The following OSBPL11 variants were observed in gnomAD, a reference collection of about 807,000 sequenced individuals.
OSBPL11 encodes the protein oxysterol-binding protein-related protein 11.
A neutral mutation model predicts 84.4 loss-of-function variants in OSBPL11; 33 were observed. The ratio of observed to expected loss-of-function variants is 0.39; its 90% confidence interval spans 0.30 to 0.52. The LOEUF (loss-of-function observed/expected upper bound fraction) is 0.52. OSBPL11 is among the 20% of genes least tolerant of loss of function. The pLI, the probability that OSBPL11 is intolerant of heterozygous loss-of-function variation, is 0.72. For missense variants in OSBPL11, 736 were observed against 901.1 expected, an observed-to-expected ratio of 0.82 and a Z score of 2.35; for synonymous variants, 276 against 310.2, an observed-to-expected ratio of 0.89 and a Z score of 1.16.
rs534214301 is a variant in OSBPL11 at position 125,580,129 on chromosome 3, G to C, written c.234-89C>G. The C allele has an allele frequency of 3.2e-5, 35 of 1,100,504 alleles. No homozygotes were observed. The South Asian group carries it at 4.7e-4, about 15-fold the overall frequency. The allele number at this position is 1,100,504 out of a possible 1,614,324, so 68.2% of individuals were successfully genotyped here. On this transcript the variant is annotated intron_variant, in intron 2 of 12. Coordinates refer to ENST00000296220, the MANE Select transcript of OSBPL11 (RefSeq NM_022776.5). The stretch of plus-strand genomic sequence containing the variant: ...AAACTTCAATCACTTACACATTTCA[G>C]GGTTTTGCTCTTAAAAATAAAATTT...
chr3:125,534,266 C>G (rs1386477747), intron 11 of OSBPL11, among the ~76,000 whole-genome samples: 1 of 151,864 alleles, frequency 6.6e-6, no homozygotes, highest in Non-Finnish European at 1.5e-5. Context: ...GCCTGTAGTC[C>G]CAGCTACTCG....
intron 1 of OSBPL11, among the ~76,000 whole-genome samples, chr3:125,591,889 G>A (rs1284051282): frequency 6.6e-6 from 1 of 152,006 alleles, no homozygotes; most frequent in Non-Finnish European, 1.5e-5. Context: ...TGTAGTCCCA[G>A]CTATTCCAGA....
At chr3:125,577,210 C>T (rs1237496547) in intron 4 of OSBPL11, among the ~76,000 whole-genome samples, 2 of 151,016 alleles carry the variant, frequency 1.3e-5, no homozygotes, top group Non-Finnish European at 2.9e-5. Context: ...CCAGGAAGAA[C>T]GATTAAAAAA....
chr3:125,581,644 T>A (rs905869294), intron 2 of OSBPL11, among the ~76,000 whole-genome samples: 4 of 135,112 alleles, frequency 3.0e-5, no homozygotes. Context: ...TGCGGTGAGC[T>A]GAGATTGCAC....
At chr3:125,583,112 G>C in intron 1 of OSBPL11, 134 bp from the exon 2 acceptor site, 1 of 585,750 alleles carries the variant, frequency 1.7e-6, no homozygotes, top group Non-Finnish European at 2.9e-6. Flanking sequence ...GAAGTAAAAT[G>C]TATAGGTCAA....
intron 1 of OSBPL11, among the ~76,000 whole-genome samples, chr3:125,586,308 C>T (rs1240053177): frequency 6.6e-6 from 1 of 152,046 alleles, no homozygotes; most frequent in African/African-American, 2.4e-5. Flanking sequence ...CTTCACTGCT[C>T]AAGAAACTGG....
intron 8 of OSBPL11, among the ~76,000 whole-genome samples, chr3:125,558,580 T>C (rs1431642138): frequency 2.0e-5 from 3 of 152,240 alleles, no homozygotes; most frequent in Non-Finnish European, 4.4e-5. Context: ...CCAATTGACA[T>C]CTACCTCCTA....
At position 125,576,186 on chromosome 3, in the gene OSBPL11, T is replaced by C. The variant is rs1237813025; in HGVS notation, c.666+3A>G. ...TTTTAACTTGACTTTAATTCATACT[T>C]ACTTCTCTGACTTCCACAAGATGGT... On this transcript the variant is annotated splice_donor_region_variant and intron_variant, in intron 5 of 12. Transcript: ENST00000296220. 6.2e-7 allele frequency: 1 copy of C among 1,600,578 alleles called. No individual in the cohort carries two copies. The highest frequency in any genetic ancestry group is 8.5e-7 in the Non-Finnish European group (1 of 1,175,838).
intron 10 of OSBPL11, among the ~76,000 whole-genome samples, chr3:125,543,160 C>T (rs1935760142): frequency 1.5e-5 from 2 of 129,118 alleles, no homozygotes; most frequent in African/African-American, 5.7e-5. Flanking sequence ...GAGACAGAGT[C>T]TCACTCTGTT....
chr3:125,591,648 C>T (rs1319177648), intron 1 of OSBPL11, among the ~76,000 whole-genome samples: 2 of 152,180 alleles, frequency 1.3e-5, no homozygotes, highest in East Asian at 1.9e-4. Flanking sequence ...CCAGAAGACC[C>T]AGCTAAGCTG....
At chr3:125,537,818 C>G (rs1935664190) in intron 11 of OSBPL11, among the ~76,000 whole-genome samples, 1 of 152,116 alleles carries the variant, frequency 6.6e-6, no homozygotes, top group African/African-American at 2.4e-5. Flanking sequence ...CAACCACTGT[C>G]AACACATTTT....
intron 11 of OSBPL11, among the ~76,000 whole-genome samples, chr3:125,532,503 A>G (rs1423838538): frequency 1.3e-5 from 2 of 150,786 alleles, no homozygotes; most frequent in African/African-American, 4.9e-5. Flanking sequence ...GGGGAGTCCT[A>G]TGAGTGCTCT....
At chr3:125,590,564 A>AT (rs1321089630) in intron 1 of OSBPL11, among the ~76,000 whole-genome samples, 12 of 150,468 alleles carry the variant, frequency 8.0e-5, no homozygotes, top group South Asian at 2.1e-4. Context: ...CAAAAAAAAA[A>AT]TTTTTTTTTT....
In OSBPL11 at chr3:125,549,244, G is replaced by C. The variant is rs1465331299; in HGVS notation, c.1655-1652C>G. Among the ~76,000 whole-genome samples, 7 of 152,068 alleles carry C rather than the reference G, an allele frequency of 4.6e-5. No individual in the cohort carries two copies. In the South Asian group the frequency reaches 8.3e-4, roughly 18 times the overall value. The stretch of plus-strand genomic sequence containing the variant: ...TCCCCATGTTGGCCAGGCTGGTCTC[G>C]AACTCCTGACCTCAGCTAATCCACC... On this transcript the variant is annotated intron_variant, in intron 9 of 12. Transcript: ENST00000296220.
At chr3:125,573,992 A>G (rs982850326) in intron 5 of OSBPL11, among the ~76,000 whole-genome samples, 1 of 152,050 alleles carries the variant, frequency 6.6e-6, no homozygotes, top group Non-Finnish European at 1.5e-5. Flanking sequence ...ACCAATTTAT[A>G]TCTTTGCATC....
intron 8 of OSBPL11, among the ~76,000 whole-genome samples, chr3:125,557,584 G>A (rs1244241269): frequency 6.6e-6 from 1 of 151,508 alleles, no homozygotes; most frequent in Non-Finnish European, 1.5e-5. Flanking sequence ...CACCATGTTG[G>A]CCAGGCTGGT....
At position 125,579,182 on chromosome 3, in the gene OSBPL11, G is replaced by A. The variant is rs764304527; in HGVS notation, c.410-143C>T. 52 of 487,328 alleles carry A rather than the reference G, an allele frequency of 1.1e-4. 1 individual carries two copies. The Middle Eastern group carries it at 1.7e-3, about 16-fold the overall frequency. 30.2% of individuals were successfully genotyped at this position (487,328 alleles called of 1,614,324 possible). A position where few individuals can be genotyped will look rare whatever the true frequency, so the allele number is the denominator to read the frequency against. ...AAACTTCCCTGACTGGAGGGAGGCA[G>A]GAAAGAGGCCAAAGCACCAACGTTG... On this transcript the variant is annotated intron_variant, in intron 3 of 12. Transcript: ENST00000296220.
chr3:125,589,845 C>T lies in OSBPL11; in HGVS notation c.164+4792G>A, dbSNP rs374698268. 1.2e-4 allele frequency among the ~76,000 whole-genome samples: 19 copies of T among 152,262 alleles called. No homozygotes were observed. The South Asian group carries it at 2.1e-3, about 17-fold the overall frequency. On this transcript the variant is annotated intron_variant, in intron 1 of 12. Transcript: ENST00000296220. ...TATACTACACATTTGCAGACTTTTA[C>T]ACATTTACTGAAAAGTATAGCTGTT... is the stretch of plus-strand genomic sequence containing the variant.
chr3:125,553,535 A>C (rs1359484406), intron 8 of OSBPL11, among the ~76,000 whole-genome samples: 1 of 152,238 alleles, frequency 6.6e-6, no homozygotes, highest in Non-Finnish European at 1.5e-5. Flanking sequence ...AAATGGTTTA[A>C]ACGTCTGAGA....
Sources: allele counts gnomAD v4.1 joint callset (sites outside exome capture counted in the v4.1 genomes callset), GRCh38; gene constraint gnomAD v4.1.1; transcripts MANE v1.5; gene names NCBI Gene and HGNC (gene_info 2026-07-23, HGNC 2026-07-21).